Variants in CELF2 observed in about 807,000 individuals in gnomAD.
CELF2 encodes CUG triplet repeat RNA-binding protein 2.
CELF2 carries 8 observed loss-of-function variants against 62.6 expected under a neutral mutation model. That is an observed-to-expected ratio of 0.13 (90% CI 0.07 to 0.23). The LOEUF (loss-of-function observed/expected upper bound fraction) is 0.23, where lower values mean the gene tolerates loss of function less well. CELF2 is among the 10% of genes least tolerant of loss of function. The probability of loss-of-function intolerance (pLI) is 1.00; values close to 1 mark genes in which losing one functional copy is unlikely to be tolerated. For missense variants in CELF2, 333 were observed against 671.0 expected, an observed-to-expected ratio of 0.50 and a Z score of 5.56; for synonymous variants, 258 against 250.0, an observed-to-expected ratio of 1.03 and a Z score of -0.30.
intron 1 of CELF2, among the ~76,000 whole-genome samples, chr10:11,085,957 G>C (rs1015269172): frequency 6.6e-6 from 1 of 152,068 alleles, no homozygotes; most frequent in African/African-American, 2.4e-5. Context: ...TGAGGAAAGC[G>C]ACAGTACCAA....
the CELF2 span, among the ~76,000 whole-genome samples, chr10:10,471,407 T>C: frequency 6.6e-6 from 1 of 151,804 alleles, no homozygotes; most frequent in Non-Finnish European, 1.5e-5. Context: ...TCCATGTATT[T>C]TGAAGCTCTG....
In CELF2 at chr10:11,012,054, G is replaced by A. The variant is rs2056550143; in HGVS notation, c.53+6614G>A. On this transcript the variant is annotated intron_variant, in intron 1 of 12. Coordinates refer to the CELF2 transcript ENST00000416382. This position sits in a 1 kb window ranked among gnomAD's most constrained non-coding sequence, Gnocchi z 5.5. ...ATTTTTCAGCCATTCATCTCTATTA[G>A]GAAGTACGGAATGGCCACGCTTAAG... Among the ~76,000 whole-genome samples, 1 of 152,154 alleles carries A rather than the reference G, an allele frequency of 6.6e-6. No individual in the cohort carries two copies. The highest frequency in any genetic ancestry group is 1.5e-5 in the Non-Finnish European group (1 of 68,022).
chr10:10,970,054 G>A (rs1193052771), intron 2 of CELF2, among the ~76,000 whole-genome samples: 2 of 152,054 alleles, frequency 1.3e-5, no homozygotes, highest in African/African-American at 4.8e-5. Flanking sequence ...TTCCATTTGT[G>A]TGATGTATTT....
the CELF2 span, among the ~76,000 whole-genome samples, chr10:10,546,307 C>T: frequency 0.016 from 2,468 of 152,274 alleles, 69 homozygotes; most frequent in African/African-American, 0.055. Flanking sequence ...CCACCGAATT[C>T]TGATAAGGCA....
intron 2 of CELF2, among the ~76,000 whole-genome samples, chr10:10,942,078 T>C (rs1166715412): frequency 6.6e-6 from 1 of 151,952 alleles, no homozygotes; most frequent in African/African-American, 2.4e-5. Context: ...TTTGACAACA[T>C]AGTTTTCTGT....
chr10:11,250,306 C>G (rs775879162), intron 4 of CELF2, among the ~76,000 whole-genome samples: 7 of 152,186 alleles, frequency 4.6e-5, no homozygotes, highest in Non-Finnish European at 8.8e-5. Context: ...CCCAGGAGTT[C>G]AAGGCCAGCC....
intron 1 of CELF2, among the ~76,000 whole-genome samples, chr10:11,019,763 C>T (rs541079864): frequency 7.9e-5 from 12 of 152,118 alleles, no homozygotes; most frequent in Non-Finnish European, 1.6e-4. Context: ...AACATTTCCA[C>T]GATATTTGTT....
the CELF2 span, among the ~76,000 whole-genome samples, chr10:10,694,270 C>T: frequency 2.0e-4 from 30 of 152,006 alleles, no homozygotes; most frequent in East Asian, 5.8e-3. Flanking sequence ...TCGTTGTGTA[C>T]CCAGTAGTCA....
the CELF2 span, among the ~76,000 whole-genome samples, chr10:10,759,854 C>T: frequency 9.2e-5 from 14 of 152,010 alleles, no homozygotes; most frequent in African/African-American, 2.4e-4. Flanking sequence ...CTTGAAAAGA[C>T]GGTGATATTC....
the CELF2 span, among the ~76,000 whole-genome samples, chr10:10,560,466 G>A: frequency 6.6e-6 from 1 of 152,216 alleles, no homozygotes; most frequent in Non-Finnish European, 1.5e-5. Flanking sequence ...GGCAGGATGA[G>A]GGGTAATATT....
chr10:11,327,139 T>G (rs2095787530), intron 12 of CELF2, among the ~76,000 whole-genome samples: 1 of 140,260 alleles, frequency 7.1e-6, no homozygotes, highest in African/African-American at 2.7e-5. Flanking sequence ...CTGTGGCAAC[T>G]GTATAAACCC....
intron 1 of CELF2, chr10:10,846,234 C>T (rs1004689261): frequency 2.2e-5 from 8 of 367,490 alleles, no homozygotes; most frequent in Non-Finnish European, 2.6e-5. Context: ...ATGGCCTCCT[C>T]ATATGCTAGG....
chr10:10,954,054 CCAT>C (rs1304021592), intron 2 of CELF2, among the ~76,000 whole-genome samples: 2 of 151,758 alleles, frequency 1.3e-5, no homozygotes, highest in East Asian at 3.9e-4. Context: ...AAATTAAACT[CCAT>C]CGTGATACCA....
At chr10:10,950,108 G>A (rs1429649213) in intron 2 of CELF2, among the ~76,000 whole-genome samples, 3 of 152,154 alleles carry the variant, frequency 2.0e-5, no homozygotes, top group South Asian at 2.1e-4. Context: ...TGCAAGAGGC[G>A]AGTTGAGGGT....
At chr10:10,897,753 G>C (rs2062664077) in intron 1 of CELF2, among the ~76,000 whole-genome samples, 1 of 152,210 alleles carries the variant, frequency 6.6e-6, no homozygotes, top group Non-Finnish European at 1.5e-5. Context: ...CATTATATCA[G>C]CAGAAACACT....
intron 8 of CELF2, among the ~76,000 whole-genome samples, chr10:11,279,102 C>G (rs2087255832): frequency 6.6e-6 from 1 of 152,108 alleles, no homozygotes; most frequent in African/African-American, 2.4e-5. Flanking sequence ...GTGAGTTTTT[C>G]TTTTTAGGGG....
At chr10:10,916,497 T>A (rs1358208283) in intron 1 of CELF2, among the ~76,000 whole-genome samples, 5 of 152,218 alleles carry the variant, frequency 3.3e-5, no homozygotes, top group Admixed American at 6.5e-5. Context: ...GCATCTATCT[T>A]TTGCTTTCAA....
chr10:10,795,620 T>C (rs190300217), upstream of CELF2, among the ~76,000 whole-genome samples: 1 of 152,274 alleles, frequency 6.6e-6, no homozygotes, highest in African/African-American at 2.4e-5. Context: ...AACAGATCCA[T>C]TAGGTGTGAT....
At position 11,211,813 on chromosome 10, in the gene CELF2, A is replaced by AGAGTGTGCGT. The variant is rs1373283373; in HGVS notation, c.272-5611_272-5610insAGTGTGCGTG. The stretch of plus-strand genomic sequence containing the variant: ...GTGTGAGAGAGAGAGAGAGAGAGAG[A>AGAGTGTGCGT]GTGTGTGTGTGTGTGTGTGTGTGTG... On this transcript the variant is annotated intron_variant, in intron 2 of 12. Coordinates refer to ENST00000633077, the MANE Select transcript of CELF2 (RefSeq NM_001326342.2). The surrounding 1 kb of genome is among the most constrained non-coding windows in gnomAD (Gnocchi z 4.8). Among the ~76,000 whole-genome samples the AGAGTGTGCGT allele has an allele frequency of 1.2e-3, 107 of 89,362 alleles. No individual in the cohort carries two copies. Among genetic ancestry groups the AGAGTGTGCGT allele is most frequent in the African/African-American group, 4.9e-3 (103 of 21,216 alleles). The allele number at this position is 89,362 out of a possible 152,430, so 58.6% of individuals were successfully genotyped here. A position where few individuals can be genotyped will look rare whatever the true frequency, so the allele number is the denominator to read the frequency against.
Sources: allele counts gnomAD v4.1 joint callset (sites outside exome capture counted in the v4.1 genomes callset), GRCh38; gene constraint gnomAD v4.1.1; non-coding constraint Gnocchi (gnomAD v3.1); transcripts MANE v1.5; gene names NCBI Gene and HGNC (gene_info 2026-07-23, HGNC 2026-07-21).